Variants in GABBR2 observed in about 807,000 individuals in gnomAD.
The protein encoded by GABBR2 is gamma-aminobutyric acid type B receptor subunit 2.
In GABBR2, 23 loss-of-function variants were observed where a neutral mutation model predicts 105.6. The ratio of observed to expected loss-of-function variants is 0.22; its 90% confidence interval spans 0.16 to 0.31. The LOEUF is 0.31. GABBR2 is among the 10% of genes least tolerant of loss of function. The probability of loss-of-function intolerance (pLI) is 1.00; values close to 1 mark genes in which losing one functional copy is unlikely to be tolerated. For missense variants in GABBR2, 734 were observed against 1,245.5 expected (o/e 0.59, Z 6.18); for synonymous variants, 478 against 499.7 (o/e 0.96, Z 0.58).
chr9:98,457,321 G>T (rs553772636), intron 6 of GABBR2, among the ~76,000 whole-genome samples: 2 of 152,288 alleles, frequency 1.3e-5, no homozygotes, highest in East Asian at 3.9e-4. Context: ...AGCCTTCAAG[G>T]TTTCTATGAT....
At chr9:98,689,107 G>C (rs570771541) in intron 1 of GABBR2, among the ~76,000 whole-genome samples, 29 of 152,220 alleles carry the variant, frequency 1.9e-4, no homozygotes, top group African/African-American at 6.7e-4. Context: ...CTCCTTCTCT[G>C]GGCCTCAGTT....
intron 13 of GABBR2, among the ~76,000 whole-genome samples, chr9:98,322,701 C>T (rs965467020): frequency 6.6e-6 from 1 of 151,882 alleles, no homozygotes; most frequent in African/African-American, 2.4e-5. Context: ...ATCATCTCTC[C>T]TCCTGGTGCC....
At chr9:98,442,323 T>A (rs1446770055) in intron 7 of GABBR2, among the ~76,000 whole-genome samples, 1 of 152,216 alleles carries the variant, frequency 6.6e-6, no homozygotes, top group Non-Finnish European at 1.5e-5. Flanking sequence ...ACTGGGGTGG[T>A]GGGAAGTGCT....
At chr9:98,687,638 G>A (rs746089473) in intron 1 of GABBR2, among the ~76,000 whole-genome samples, 2 of 152,050 alleles carry the variant, frequency 1.3e-5, no homozygotes, top group African/African-American at 4.8e-5. Flanking sequence ...CCCAGCCCCC[G>A]CTGTGTTCTC....
chr9:98,427,943 A>G (rs776180921), intron 7 of GABBR2, among the ~76,000 whole-genome samples: 7 of 152,192 alleles, frequency 4.6e-5, no homozygotes, highest in Non-Finnish European at 1.5e-5. Flanking sequence ...TGCAGTCCCC[A>G]CTGACATCTT....
At chr9:98,458,724 C>A (rs995771109) in intron 6 of GABBR2, among the ~76,000 whole-genome samples, 13 of 152,112 alleles carry the variant, frequency 8.5e-5, no homozygotes, top group African/African-American at 2.9e-4. Flanking sequence ...ATACAAACAA[C>A]CAAAAGAACA....
chr9:98,474,492 G>C (rs1826748534), intron 5 of GABBR2, among the ~76,000 whole-genome samples: 1 of 152,156 alleles, frequency 6.6e-6, no homozygotes. Flanking sequence ...ATACCCAGAA[G>C]TGACTACAGA....
chr9:98,303,575 G>GA, intron 15 of GABBR2, 152 bp from the exon 16 acceptor site: 1 of 678,694 alleles, frequency 1.5e-6, no homozygotes, highest in Non-Finnish European at 2.6e-6. Flanking sequence ...CCTAGGCTCA[G>GA]GCCAGACTCT....
rs1314514478 is a variant in GABBR2, at chr9:98,497,623, C to T, written c.631-1109G>A. 3.9e-5 allele frequency among the ~76,000 whole-genome samples: 6 copies of T among 152,132 alleles called. 1 individual carries two copies. In the South Asian group the frequency reaches 8.3e-4, roughly 21 times the overall value. On this transcript the variant is annotated intron_variant, in intron 3 of 18. Transcript: ENST00000259455. ...TGACTTGCTTGTGACCTCAATCTCT[C>T]GTGTGATTCTTCCCTTCTCTGGGCC...
At chr9:98,429,432 C>T (rs767348086) in intron 7 of GABBR2, among the ~76,000 whole-genome samples, 1 of 152,156 alleles carries the variant, frequency 6.6e-6, no homozygotes, top group Non-Finnish European at 1.5e-5. Context: ...TGAGCCACCA[C>T]GCCTGGCCGG....
intron 1 of GABBR2, among the ~76,000 whole-genome samples, chr9:98,648,247 T>C (rs1480462279): frequency 2.0e-5 from 3 of 152,060 alleles, no homozygotes; most frequent in Non-Finnish European, 4.4e-5. Flanking sequence ...TTCTCCCACC[T>C]CAGCCTCCTG....
chr9:98,349,778 A>C (rs1038327165), intron 13 of GABBR2, among the ~76,000 whole-genome samples: 4 of 152,238 alleles, frequency 2.6e-5, no homozygotes, highest in Admixed American at 2.0e-4. Context: ...AGAATGAATA[A>C]GAAAGAATTT....
chr9:98,670,916 C>T (rs979953801), intron 1 of GABBR2, among the ~76,000 whole-genome samples: 5 of 152,040 alleles, frequency 3.3e-5, no homozygotes, highest in Admixed American at 6.5e-5. Context: ...GTGGTGATGA[C>T]TGTACAACAT....
At chr9:98,497,873 C>T (rs1220544371) in intron 3 of GABBR2, among the ~76,000 whole-genome samples, 1 of 152,204 alleles carries the variant, frequency 6.6e-6, no homozygotes, top group African/African-American at 2.4e-5. Flanking sequence ...AGCAATTCCA[C>T]TTCTGGGCAC....
chr9:98,633,675 A>G (rs1829842938), intron 1 of GABBR2, among the ~76,000 whole-genome samples: 1 of 152,010 alleles, frequency 6.6e-6, no homozygotes, highest in Admixed American at 6.6e-5. Flanking sequence ...GCCCATCCTC[A>G]ATATCACCAG....
chr9:98,587,191 C>T lies in GABBR2; in HGVS notation c.322-9119G>A, dbSNP rs1829090244. On this transcript the variant is annotated intron_variant, in intron 1 of 18. Coordinates refer to ENST00000259455, the MANE Select transcript of GABBR2 (RefSeq NM_005458.8). ...TTCATATGCTTATAGCCTGTGTTTC[C>T]TCTTTTGGACTGGTAACTTTGCCCA... is the stretch of plus-strand genomic sequence containing the variant. 2.0e-5 allele frequency among the ~76,000 whole-genome samples: 3 copies of T among 152,108 alleles called. No individual in the cohort carries two copies. In the South Asian group the frequency reaches 6.2e-4, roughly 32 times the overall value.
intron 1 of GABBR2, among the ~76,000 whole-genome samples, chr9:98,592,602 A>G (rs1829162134): frequency 6.6e-6 from 1 of 152,196 alleles, no homozygotes; most frequent in African/African-American, 2.4e-5. Flanking sequence ...TTATGCTCTT[A>G]GAAATAAGGC....
Position 98,496,446 on chromosome 9 carries a change from G to A in GABBR2, c.699C>T (p.Ser233=), listed in dbSNP as rs2131671005. 1 of 1,612,398 alleles carries A rather than the reference G, an allele frequency of 6.2e-7. No homozygotes were observed. The highest frequency in any genetic ancestry group is 8.5e-7 in the Non-Finnish European group (1 of 1,178,716). Residue 233 remains serine (S), a synonymous_variant, in exon 4 of 19, where the codon TCC becomes TCT. Coordinates refer to ENST00000259455, the MANE Select transcript of GABBR2 (RefSeq NM_005458.8). ...TTTTGACACTGGTACAGGGATCGTT[G>A]GAGAAGCTCTCGGTGTCTGAAATCT... ...DIEISDTESF[S]NDPCTSVKKL...
At chr9:98,437,378 C>A (rs939115041) in intron 7 of GABBR2, among the ~76,000 whole-genome samples, 14 of 151,910 alleles carry the variant, frequency 9.2e-5, no homozygotes, top group African/African-American at 3.4e-4. Flanking sequence ...CTGCTATCAT[C>A]TATCAATACA....
Sources: allele counts gnomAD v4.1 joint callset (sites outside exome capture counted in the v4.1 genomes callset), GRCh38; gene constraint gnomAD v4.1.1; transcripts MANE v1.5; gene names NCBI Gene and HGNC (gene_info 2026-07-23, HGNC 2026-07-21).